ATE1: variants seen among roughly 807,000 people sequenced by gnomAD.
The protein encoded by ATE1 is arginyl-tRNA--protein transferase 1.
ATE1 carries 36 observed loss-of-function variants against 70.5 expected under a neutral mutation model. The ratio of observed to expected loss-of-function variants is 0.51; its 90% CI spans 0.39 to 0.67. The LOEUF (loss-of-function observed/expected upper bound fraction) is 0.67, where lower values mean the gene tolerates loss of function less well. ATE1 is among the 30% of genes least tolerant of loss of function. The pLI, the probability that ATE1 is intolerant of heterozygous loss-of-function variation, is 0.00. For synonymous variants in ATE1, 232 were observed against 219.3 expected (o/e 1.06, Z -0.51); for missense variants, 593 against 629.5 (o/e 0.94, Z 0.62).
intron 8 of ATE1, among the ~76,000 whole-genome samples, chr10:121,858,861 C>T (rs1054675535): frequency 1.3e-5 from 2 of 151,638 alleles, no homozygotes; most frequent in African/African-American, 2.4e-5. Context: ...TTTGGGATGC[C>T]GAGGCGGGCA....
At chr10:121,779,553 T>C (rs1183746709) in intron 11 of ATE1, among the ~76,000 whole-genome samples, 2 of 152,190 alleles carry the variant, frequency 1.3e-5, no homozygotes, top group African/African-American at 2.4e-5. Context: ...AAAACTAATC[T>C]TCCTATCTGT....
At chr10:121,786,457 C>G (rs1275673188) in intron 11 of ATE1, among the ~76,000 whole-genome samples, 1 of 151,884 alleles carries the variant, frequency 6.6e-6, no homozygotes, top group Non-Finnish European at 1.5e-5. Context: ...TCGCTTGAGT[C>G]CAGGAGTTCA....
chr10:121,836,017 C>G (rs116369704), intron 10 of ATE1, among the ~76,000 whole-genome samples: 2 of 152,106 alleles, frequency 1.3e-5, no homozygotes, highest in Non-Finnish European at 2.9e-5. Context: ...CTTAGCCTGG[C>G]CTTCAGGGTC....
chr10:121,770,234 A>ACACACACACC (rs1491168435), intron 11 of ATE1, among the ~76,000 whole-genome samples: 3 of 306 alleles, frequency 9.8e-3, no homozygotes, highest in Non-Finnish European at 0.032. Flanking sequence ...CAAGAGAGAA[A>ACACACACACC]CACACACACA....
At chr10:121,924,239 A>C (rs1225393627) in intron 2 of ATE1, 27 bp downstream of exon 2, 3 of 1,603,268 alleles carry the variant, frequency 1.9e-6, no homozygotes, top group Non-Finnish European at 2.6e-6. Flanking sequence ...TAACAGTAGG[A>C]AGTCTCTTTG....
At chr10:121,831,082 C>G (rs1263372038) in intron 10 of ATE1, among the ~76,000 whole-genome samples, 2 of 152,158 alleles carry the variant, frequency 1.3e-5, no homozygotes, top group African/African-American at 2.4e-5. Flanking sequence ...ATTCTTCAGA[C>G]TCCTTACTCA....
intron 11 of ATE1, among the ~76,000 whole-genome samples, chr10:121,758,563 G>C (rs1169409493): frequency 6.6e-6 from 1 of 152,192 alleles, no homozygotes; most frequent in Non-Finnish European, 1.5e-5. Context: ...TTTCTGTGGA[G>C]ACAGCCTCTA....
intron 11 of ATE1, among the ~76,000 whole-genome samples, chr10:121,787,231 G>A (rs544507826): frequency 8.2e-4 from 125 of 152,290 alleles, no homozygotes; most frequent in African/African-American, 2.7e-3. Flanking sequence ...CAACTGGAAA[G>A]AGAAACAAGA....
intron 2 of ATE1, 21 bp from the exon 3 acceptor site, chr10:121,922,432 T>C (rs945047730): frequency 6.7e-7 from 1 of 1,484,740 alleles, no homozygotes; most frequent in Admixed American, 1.8e-5. Flanking sequence ...AAAAATAGTT[T>C]GTTAATGTCT....
chr10:121,805,317 C>T (rs1212156304), intron 10 of ATE1, among the ~76,000 whole-genome samples: 1 of 152,078 alleles, frequency 6.6e-6, no homozygotes, highest in African/African-American at 2.4e-5. Flanking sequence ...AAAGATTATA[C>T]TAATATATAA....
Position 121,924,278 on chromosome 10 carries a change from C to G in ATE1, c.158G>C (p.Arg53Pro), listed in dbSNP as rs777700019. The change falls in exon 2 of 12, where the codon CGA becomes CCA. Residue 53 changes from arginine to proline, a missense_variant. Arg to Pro is a moderately radical substitution (Grantham distance 103). Coordinates refer to ENST00000224652, the MANE Select transcript of ATE1 (RefSeq NM_001001976.3). ...CTGGAAGCTTTACCTTCGCCATCCTCGGTCTATGAGATCCTGATAATCCTG... is the reference window on the plus strand; with the variant it reads ...CTGGAAGCTTTACCTTCGCCATCCTGGGTCTATGAGATCCTGATAATCCTG... ...TVQDYQDLID[R>P]GWRRSGKYVY... is the part of the protein sequence containing the mutation. 3 of 1,614,014 alleles carry G rather than the reference C, an allele frequency of 1.9e-6. No individual in the cohort carries two copies. In the Admixed American group the frequency reaches 5.0e-5, roughly 27 times the overall value.
intron 7 of ATE1, among the ~76,000 whole-genome samples, chr10:121,871,835 T>C (rs1234061576): frequency 6.6e-6 from 1 of 152,214 alleles, no homozygotes; most frequent in Non-Finnish European, 1.5e-5. Context: ...TAAGATAACT[T>C]TCTGAAAGTG....
chr10:121,913,698 G>A (rs1951533293), intron 4 of ATE1, 92 bp downstream of exon 4: 2 of 811,338 alleles, frequency 2.5e-6, no homozygotes, highest in African/African-American at 1.7e-5. Context: ...GTACATGACT[G>A]TATTAATGAC....
At chr10:121,745,725 T>C (rs1182605321) in intron 11 of ATE1, among the ~76,000 whole-genome samples, 5 of 77,678 alleles carry the variant, frequency 6.4e-5, no homozygotes, top group African/African-American at 1.6e-4. Flanking sequence ...AGACTCTGTC[T>C]CAAAACAAAC....
At chr10:121,794,883 T>C (rs375639713) in intron 10 of ATE1, among the ~76,000 whole-genome samples, 4 of 152,062 alleles carry the variant, frequency 2.6e-5, no homozygotes, top group South Asian at 4.1e-4. Context: ...ACATAAACCT[T>C]GCGGATACGC....
chr10:121,791,491 A>T (rs1946453734), intron 10 of ATE1, among the ~76,000 whole-genome samples: 1 of 152,244 alleles, frequency 6.6e-6, no homozygotes, highest in Non-Finnish European at 1.5e-5. Flanking sequence ...AATGGGGATA[A>T]TGAAGATGGT....
chr10:121,851,825 T>C (rs962325836), intron 8 of ATE1, among the ~76,000 whole-genome samples: 4 of 152,196 alleles, frequency 2.6e-5, no homozygotes, highest in African/African-American at 9.6e-5. Context: ...AATAATAAAT[T>C]TCACCTCTAC....
intron 11 of ATE1, among the ~76,000 whole-genome samples, chr10:121,775,310 T>C (rs1197016451): frequency 6.6e-6 from 1 of 152,040 alleles, no homozygotes; most frequent in African/African-American, 2.4e-5. Flanking sequence ...ACATAAAGCC[T>C]GTCAGAGAGT....
chr10:121,818,256 CA>C (rs66792557), intron 10 of ATE1, among the ~76,000 whole-genome samples: 446 of 63,310 alleles, frequency 7.0e-3, no homozygotes, highest in African/African-American at 0.029. Flanking sequence ...GACTCCATCT[CA>C]AAAAAAAAAA....
Sources: allele counts gnomAD v4.1 joint callset (sites outside exome capture counted in the v4.1 genomes callset), GRCh38; gene constraint gnomAD v4.1.1; transcripts MANE v1.5; gene names NCBI Gene and HGNC (gene_info 2026-07-23, HGNC 2026-07-21).